The following RNFT1 variants were observed in gnomAD, a reference collection of about 807,000 sequenced individuals.
RNFT1 encodes ring finger protein, transmembrane 1.
Under a neutral mutation model 53.2 loss-of-function variants are expected in RNFT1, and 35 were observed. That is an observed-to-expected ratio of 0.66 (90% CI 0.50 to 0.87). The LOEUF is 0.87. RNFT1 is among the 40% of genes least tolerant of loss of function. RNFT1 has a pLI of 0.00. For missense variants in RNFT1, 421 were observed against 515.0 expected (o/e 0.82, Z 1.77); for synonymous variants, 141 against 172.8 (o/e 0.82, Z 1.44).
At position 59,964,672 on chromosome 17, in the gene RNFT1, T is replaced by G; in HGVS notation, c.-9A>C. 6.2e-7 allele frequency: 1 copy of G among 1,602,136 alleles called. No individual in the cohort carries two copies. The highest frequency in any genetic ancestry group is 8.5e-7 in the Non-Finnish European group (1 of 1,174,584). On this transcript the variant is annotated 5_prime_UTR_variant, in exon 1 of 9. Transcript: ENST00000305783. ...AGCAAGAACAGCGGCATACACCGCCTCCAGCCCTTCAGTCGGGGCCATCAA... is the reference window on the plus strand; with the variant it reads ...AGCAAGAACAGCGGCATACACCGCCGCCAGCCCTTCAGTCGGGGCCATCAA...
intron 8 of RNFT1, 169 bp downstream of exon 8, chr17:59,953,876 C>A: frequency 2.1e-6 from 1 of 465,646 alleles, no homozygotes. Flanking sequence ...TAAAAATTAT[C>A]AGAACATAAG....
chr17:59,957,637 G>A (rs1178557533), intron 5 of RNFT1, among the ~76,000 whole-genome samples: 2 of 152,166 alleles, frequency 1.3e-5, no homozygotes, highest in African/African-American at 4.8e-5. Context: ...CCTGAGGTCA[G>A]GAGTTCGAGA....
Position 59,962,807 on chromosome 17 carries a change from AAT to A in RNFT1, c.514+18_514+19del. On this transcript the variant is annotated intron_variant, in intron 2 of 8. Transcript: ENST00000305783. Reference sequence around the variant, plus strand: ...CTGAATTTAGGAATGAAAACAAGTCAATGTTTTATTATGTCCTACCTGTTATA... The same window carrying A: ...CTGAATTTAGGAATGAAAACAAGTCAGTTTTATTATGTCCTACCTGTTATA... 1.9e-6 allele frequency: 3 copies of A among 1,571,912 alleles called. No homozygotes were observed. Among genetic ancestry groups the A allele is most frequent in the Non-Finnish European group, 2.6e-6 (3 of 1,149,706 alleles).
Position 59,964,602 on chromosome 17 carries a change from C to A in RNFT1, c.56+6G>T. 1 of 1,600,114 alleles carries A rather than the reference C, an allele frequency of 6.2e-7. No homozygotes were observed. The highest frequency in any genetic ancestry group is 8.5e-7 in the Non-Finnish European group (1 of 1,173,254). On this transcript the variant is annotated splice_donor_region_variant and intron_variant, in intron 1 of 8. Transcript: ENST00000305783. ...TCCTCCTCTGCCCGCTTCCCCCAGG[C>A]CTAACCTCTCATGACCAGAAGCGGA...
intron 3 of RNFT1, among the ~76,000 whole-genome samples, chr17:59,961,882 CTTT>C (rs71370154): frequency 1.1e-5 from 1 of 91,428 alleles, no homozygotes; most frequent in African/African-American, 4.4e-5. Context: ...TGGCCCAGGT[CTTT>C]TTTTTTTTTT....
rs2045308292 is a variant in RNFT1 at position 59,963,181 on chromosome 17, T to C, written c.160A>G (p.Ser54Gly). The C allele has an allele frequency of 6.2e-7, 1 of 1,614,248 alleles. No homozygotes were observed. The highest frequency in any genetic ancestry group is 8.5e-7 in the Non-Finnish European group (1 of 1,180,042). The change falls in exon 2 of 9, where the codon AGT becomes GGT. Residue 54 changes from serine to glycine, a missense_variant. Ser to Gly is a moderately conservative substitution (Grantham distance 56). Coordinates refer to ENST00000305783, the MANE Select transcript of RNFT1 (RefSeq NM_016125.4). ...CACTGAGGGGTTGAGGCATCCTCAC[T>C]GCTTCCAGTTCCTGGAGGACTGTGC... The part of the protein sequence containing the change: ...QLHSPPGTGS[S>G]EDASTPQCVH...
intron 6 of RNFT1, 115 bp from the exon 7 acceptor site, chr17:59,956,668 A>G (rs1882754706): frequency 5.7e-6 from 4 of 698,004 alleles, no homozygotes; most frequent in African/African-American, 3.6e-5. Flanking sequence ...AATGTTCATT[A>G]TATGTCACAT....
In RNFT1 at chr17:59,952,703, T is replaced by C. The variant is rs1295904408; in HGVS notation, c.*274A>G. 4.3e-6 allele frequency: 1 copy of C among 233,842 alleles called. No individual in the cohort carries two copies. Among genetic ancestry groups the C allele is most frequent in the Non-Finnish European group, 8.2e-6 (1 of 122,158 alleles). 14.5% of individuals were successfully genotyped at this position (233,842 alleles called of 1,614,324 possible). ...ATTTCAAATTGCTGTTTTGGTAACATAAAGAAAACACATTTACAATTTAAC... is the reference window on the plus strand; with the variant it reads ...ATTTCAAATTGCTGTTTTGGTAACACAAAGAAAACACATTTACAATTTAAC... On this transcript the variant is annotated 3_prime_UTR_variant, in exon 9 of 9. Coordinates refer to ENST00000305783, the MANE Select transcript of RNFT1 (RefSeq NM_016125.4).
intron 4 of RNFT1, chr17:59,958,669 T>C (rs1258911780): frequency 6.9e-6 from 4 of 582,862 alleles, no homozygotes; most frequent in Non-Finnish European, 1.3e-5. Context: ...GGAAAAAGTC[T>C]TCACGGTTTG....
intron 7 of RNFT1, among the ~76,000 whole-genome samples, chr17:59,955,314 A>C (rs1048122130): frequency 6.6e-5 from 10 of 152,172 alleles, no homozygotes; most frequent in African/African-American, 2.4e-4. Context: ...AGCAAAGTAC[A>C]TTTGCAGATA....
intron 7 of RNFT1, among the ~76,000 whole-genome samples, chr17:59,956,130 G>T (rs1274728768): frequency 1.3e-5 from 2 of 152,120 alleles, no homozygotes; most frequent in Non-Finnish European, 2.9e-5. Flanking sequence ...GGAGTTAATA[G>T]GAACAAACAA....
At chr17:59,957,996 G>A (rs1158542540) in intron 5 of RNFT1, among the ~76,000 whole-genome samples, 1 of 152,144 alleles carries the variant, frequency 6.6e-6, no homozygotes, top group East Asian at 1.9e-4. Context: ...ATAGTCAACT[G>A]TCAATTGATA....
Position 59,957,206 on chromosome 17 carries a change from A to G in RNFT1, c.1005+18T>C. 6.2e-7 allele frequency: 1 copy of G among 1,607,560 alleles called. No individual in the cohort carries two copies. Among genetic ancestry groups the G allele is most frequent in the Non-Finnish European group, 8.5e-7 (1 of 1,177,234 alleles). On this transcript the variant is annotated intron_variant, in intron 6 of 8. Transcript: ENST00000305783. ...TTAATGTGAATCATGCAGTGACAAG[A>G]TTTGTAATGTTACCTACTTTTAATA...
At chr17:59,953,768 A>G (rs1187294270) in intron 8 of RNFT1, among the ~76,000 whole-genome samples, 1 of 152,222 alleles carries the variant, frequency 6.6e-6, no homozygotes, top group Non-Finnish European at 1.5e-5. Context: ...ATTGTTCTAC[A>G]TGGCTAGTAT....
Position 59,954,031 on chromosome 17 carries a change from A to G in RNFT1, c.1173+14T>C. On this transcript the variant is annotated intron_variant, in intron 8 of 8. Coordinates refer to ENST00000305783, the MANE Select transcript of RNFT1 (RefSeq NM_016125.4). ...CTGTTGTATTTAGGTTTTTAAATTTAAAAATGTAATTACCTGACAAATGAG... is the reference window on the plus strand; with the variant it reads ...CTGTTGTATTTAGGTTTTTAAATTTGAAAATGTAATTACCTGACAAATGAG... 1 of 1,494,858 alleles carries G rather than the reference A, an allele frequency of 6.7e-7. No homozygotes were observed. The allele number at this position is 1,494,858 out of a possible 1,614,324, so 92.6% of individuals were successfully genotyped here.
intron 3 of RNFT1, among the ~76,000 whole-genome samples, chr17:59,961,151 C>T (rs1200193650): frequency 6.6e-6 from 1 of 151,872 alleles, no homozygotes; most frequent in Non-Finnish European, 1.5e-5. Context: ...ATCCTCCCAC[C>T]TCAGCCTCCC....
intron 3 of RNFT1, 30 bp from the exon 4 acceptor site, chr17:59,960,198 T>C: frequency 1.3e-6 from 2 of 1,581,828 alleles, no homozygotes; most frequent in Middle Eastern, 1.7e-4. Flanking sequence ...ATAATGTTAC[T>C]TTGATTTTGC....
chr17:59,955,402 C>T (rs2045247647), intron 7 of RNFT1, among the ~76,000 whole-genome samples: 1 of 152,134 alleles, frequency 6.6e-6, no homozygotes, highest in Non-Finnish European at 1.5e-5. Context: ...CTGCCATTTC[C>T]CTGGTAAAGG....
Position 59,962,980 on chromosome 17 carries a change from T to C in RNFT1, c.361A>G (p.Ser121Gly). ...GTATCATCAGTCAGCCTTGCTTCAC[T>C]GTGGGAGTGACCCCGTAAGCGACTG... ...VHSRLRGHSH[S>G]EARLTDDTAA... Residue 121 changes from serine (S) to glycine (G), a missense_variant, in exon 2 of 9, where the codon AGT becomes GGT. Transcript: ENST00000305783. 6.2e-7 allele frequency: 1 copy of C among 1,614,264 alleles called. No individual in the cohort carries two copies. Among genetic ancestry groups the C allele is most frequent in the Non-Finnish European group, 8.5e-7 (1 of 1,180,050 alleles).
Sources: gnomAD v4.1 joint callset for allele counts (sites outside exome capture counted in the v4.1 genomes callset) on GRCh38, gnomAD v4.1.1 for gene constraint, MANE v1.5 for transcripts, NCBI Gene and HGNC (gene_info 2026-07-23, HGNC 2026-07-21) for gene names.